The following COL22A1 variants were observed in gnomAD, a reference collection of about 807,000 sequenced individuals.
The protein encoded by COL22A1 is collagen type XXII alpha 1 chain.
In COL22A1, 221 loss-of-function variants were observed where a neutral mutation model predicts 248.9. That is an observed-to-expected ratio of 0.89 (90% CI 0.80 to 0.99). The LOEUF (loss-of-function observed/expected upper bound fraction) is 0.99, where lower values mean the gene tolerates loss of function less well. Among genes scored for constraint, COL22A1 ranks in the 50% least tolerant of loss-of-function variants. COL22A1 has a pLI of 0.00. For synonymous variants in COL22A1, 891 were observed against 793.4 expected (o/e 1.12, Z -2.07); for missense variants, 2,240 against 2,179.0 (o/e 1.03, Z -0.56).
intron 22 of COL22A1, among the ~76,000 whole-genome samples, chr8:138,740,521 G>A (rs763648976): frequency 7.9e-5 from 12 of 152,174 alleles, no homozygotes; most frequent in Non-Finnish European, 1.8e-4. Flanking sequence ...TCATGCTCAG[G>A]AAGGTGAACA....
chr8:138,614,003 C>T, intron 55 of COL22A1, 83 bp from the exon 56 acceptor site: 1 of 1,120,462 alleles, frequency 8.9e-7, no homozygotes, highest in Admixed American at 1.8e-5. Context: ...GTTAACCAAA[C>T]CTCGCCAAGT....
At chr8:138,843,167 C>T (rs1821008372) in intron 4 of COL22A1, among the ~76,000 whole-genome samples, 1 of 152,168 alleles carries the variant, frequency 6.6e-6, no homozygotes, top group South Asian at 2.1e-4. Flanking sequence ...GCAGAGCAGC[C>T]TTCCACCATT....
intron 5 of COL22A1, among the ~76,000 whole-genome samples, chr8:138,829,008 T>A (rs1023384362): frequency 6.6e-6 from 1 of 152,222 alleles, no homozygotes; most frequent in Admixed American, 6.5e-5. Context: ...GGACCCTGCC[T>A]GGCCAGACAG....
intron 39 of COL22A1, among the ~76,000 whole-genome samples, chr8:138,682,988 C>T (rs1195368253): frequency 1.3e-5 from 2 of 152,098 alleles, no homozygotes; most frequent in Admixed American, 6.6e-5. Flanking sequence ...TGTGAGCCAC[C>T]GCACCCGGCC....
intron 37 of COL22A1, among the ~76,000 whole-genome samples, chr8:138,686,638 G>A (rs60371891): frequency 1.3e-5 from 2 of 152,010 alleles, no homozygotes; most frequent in Non-Finnish European, 2.9e-5. Context: ...TCCAAATCCC[G>A]GGCCCGGCCC....
intron 41 of COL22A1, among the ~76,000 whole-genome samples, chr8:138,664,211 A>ACACG (rs1824281090): frequency 2.1e-5 from 1 of 47,920 alleles, no homozygotes; most frequent in African/African-American, 9.0e-5. Flanking sequence ...GCGCGCGCGC[A>ACACG]CACACACACA....
intron 5 of COL22A1, 106 bp downstream of exon 5, chr8:138,832,933 G>A (rs1410181943): frequency 2.8e-6 from 2 of 722,474 alleles, no homozygotes; most frequent in Non-Finnish European, 4.9e-6. Flanking sequence ...GCACTGAGAA[G>A]GTTAAAGCCC....
intron 40 of COL22A1, among the ~76,000 whole-genome samples, chr8:138,677,890 G>C (rs1482465101): frequency 4.6e-5 from 7 of 152,204 alleles, no homozygotes; most frequent in Non-Finnish European, 8.8e-5. Flanking sequence ...AATACCTCTG[G>C]AATGAGTTAA....
At position 138,716,289 on chromosome 8, in the gene COL22A1, C is replaced by T; in HGVS notation, c.2401G>A (p.Gly801Arg). Residue 801 changes from glycine to arginine, a missense_variant and splice_region_variant, in exon 29 of 65, where the codon GGA becomes AGA. Coordinates refer to ENST00000303045, the MANE Select transcript of COL22A1 (RefSeq NM_152888.3). ...QGLAGRPGEK[G>R]EAGLPGAPGF... ...GGAGCCCCTGGGAGGCCTGCTTCTC[C>T]CTGTGAGAACAAAATATTCACAAGG... The T allele has an allele frequency of 1.9e-6, 3 of 1,583,654 alleles. No individual in the cohort carries two copies. Among genetic ancestry groups the T allele is most frequent in the Non-Finnish European group, 2.6e-6 (3 of 1,162,672 alleles).
intron 30 of COL22A1, among the ~76,000 whole-genome samples, chr8:138,713,931 G>T (rs999408480): frequency 1.3e-5 from 2 of 152,160 alleles, no homozygotes; most frequent in Non-Finnish European, 2.9e-5. Flanking sequence ...AGAAGGGGCT[G>T]GGACCAGGGA....
intron 63 of COL22A1, among the ~76,000 whole-genome samples, chr8:138,593,307 C>G (rs1239832943): frequency 1.3e-5 from 2 of 151,892 alleles, no homozygotes; most frequent in African/African-American, 2.4e-5. Context: ...ATAGGTGCAG[C>G]AAACCACCAT....
At chr8:138,875,794 T>C (rs576703572) in intron 3 of COL22A1, among the ~76,000 whole-genome samples, 15 of 152,226 alleles carry the variant, frequency 9.9e-5, no homozygotes, top group East Asian at 7.7e-4. Flanking sequence ...CGCTTATCTA[T>C]AAAAAAGAGA....
At chr8:138,766,169 G>C (rs1226691223) in intron 16 of COL22A1, among the ~76,000 whole-genome samples, 1 of 152,208 alleles carries the variant, frequency 6.6e-6, no homozygotes, top group Non-Finnish European at 1.5e-5. Context: ...TGTGCCTGTT[G>C]CCCAAGTCCC....
intron 41 of COL22A1, among the ~76,000 whole-genome samples, chr8:138,670,850 A>G (rs1215605898): frequency 6.6e-6 from 1 of 150,944 alleles, no homozygotes; most frequent in Non-Finnish European, 1.5e-5. Flanking sequence ...AGTCCCAACT[A>G]CTCAGGAGGC....
At chr8:138,856,411 CAAGAGAAAGA>C (rs1359965329) in intron 3 of COL22A1, among the ~76,000 whole-genome samples, 3 of 150,950 alleles carry the variant, frequency 2.0e-5, no homozygotes, top group Non-Finnish European at 3.0e-5. Context: ...GCAGTGACAG[CAAGAGAAAGA>C]GAGAGAAAGA....
intron 62 of COL22A1, among the ~76,000 whole-genome samples, chr8:138,594,996 A>G (rs1817404469): frequency 6.6e-6 from 1 of 152,092 alleles, no homozygotes; most frequent in Non-Finnish European, 1.5e-5. Flanking sequence ...GGGACAGGGG[A>G]TATATGCACA....
rs112687271 is a variant in COL22A1 at position 138,619,865 on chromosome 8, G to A, written c.3772-357C>T. 3.6e-3 allele frequency: 971 copies of A among 272,638 alleles called. 4 individuals carry two copies. Among genetic ancestry groups the A allele is most frequent in the South Asian group, 0.01 (178 of 17,088 alleles). 16.9% of individuals were successfully genotyped at this position (272,638 alleles called of 1,614,324 possible). On this transcript the variant is annotated intron_variant, in intron 52 of 64. Transcript: ENST00000303045. ...CACTTGCAAAAACCATGTCAAGGCC[G>A]CTATTAACACTTGCACTTTACCGAT...
intron 23 of COL22A1, among the ~76,000 whole-genome samples, chr8:138,736,734 G>GC (rs1451023536): frequency 6.6e-6 from 1 of 152,164 alleles, no homozygotes; most frequent in East Asian, 1.9e-4. Context: ...ACCCAGAGAA[G>GC]CTGGAAGAAG....
chr8:138,755,921 G>T, intron 18 of COL22A1, 92 bp from the exon 19 acceptor site: 1 of 1,049,516 alleles, frequency 9.5e-7, no homozygotes, highest in Non-Finnish European at 1.5e-6. Flanking sequence ...GTGGGCCCAG[G>T]GGACCACACC....
Sources: allele counts gnomAD v4.1 joint callset (sites outside exome capture counted in the v4.1 genomes callset), GRCh38; gene constraint gnomAD v4.1.1; transcripts MANE v1.5; gene names NCBI Gene and HGNC (gene_info 2026-07-23, HGNC 2026-07-21).